Variants in MCC observed in about 807,000 individuals in gnomAD.
MCC encodes the protein colorectal mutant cancer protein.
Under a neutral mutation model 116.2 loss-of-function variants are expected in MCC, and 90 were observed. The observed-to-expected ratio is 0.77, with a 90% CI of 0.65 to 0.92. The LOEUF (loss-of-function observed/expected upper bound fraction) is 0.92, where lower values mean the gene tolerates loss of function less well. Ranked by LOEUF, MCC falls within the 40% of genes least tolerant of loss-of-function variation. The pLI is 0.00. For synonymous variants in MCC, 578 were observed against 510.5 expected (o/e 1.13, Z -1.78); for missense variants, 1,516 against 1,312.2 (o/e 1.16, Z -2.40).
chr5:113,348,746 T>C (rs1001924222), intron 2 of MCC, among the ~76,000 whole-genome samples: 11 of 151,414 alleles, frequency 7.3e-5, no homozygotes, highest in Non-Finnish European at 1.3e-4. Flanking sequence ...AACGAAACAA[T>C]ACAAAGGATC....
intron 3 of MCC, among the ~76,000 whole-genome samples, chr5:113,287,843 G>T (rs574815408): frequency 6.6e-6 from 1 of 152,198 alleles, no homozygotes; most frequent in East Asian, 1.9e-4. Flanking sequence ...CCAATTGGTA[G>T]CAACTACCTC....
intron 3 of MCC, among the ~76,000 whole-genome samples, chr5:113,335,973 T>C (rs1581408497): frequency 6.6e-6 from 1 of 151,874 alleles, no homozygotes; most frequent in East Asian, 1.9e-4. Context: ...AGAAATTTAT[T>C]GGCTTATAGT....
chr5:113,192,414 A>T (rs890580946), intron 3 of MCC, among the ~76,000 whole-genome samples: 1 of 152,206 alleles, frequency 6.6e-6, no homozygotes, highest in African/African-American at 2.4e-5. Context: ...ATGGGATTAC[A>T]TATTGTCTGT....
intron 1 of MCC, among the ~76,000 whole-genome samples, chr5:113,465,922 T>G (rs981790205): frequency 2.0e-5 from 3 of 151,864 alleles, no homozygotes; most frequent in Non-Finnish European, 4.4e-5. Flanking sequence ...GAAAAGCAAT[T>G]AGGAATACAT....
At chr5:113,441,474 G>T (rs897345037) in intron 1 of MCC, among the ~76,000 whole-genome samples, 1 of 152,008 alleles carries the variant, frequency 6.6e-6, no homozygotes. Flanking sequence ...GCCGCATGTG[G>T]TCTCTATCAC....
intron 5 of MCC, among the ~76,000 whole-genome samples, chr5:113,137,051 A>G (rs1264867771): frequency 3.3e-5 from 5 of 152,300 alleles, no homozygotes; most frequent in African/African-American, 1.2e-4. Flanking sequence ...ACACTGCTAT[A>G]AAGAACTTCC....
intron 3 of MCC, among the ~76,000 whole-genome samples, chr5:113,260,977 T>G (rs1765199791): frequency 6.6e-6 from 1 of 152,086 alleles, no homozygotes; most frequent in South Asian, 2.1e-4. Context: ...GTTTAAGTGT[T>G]CAAAAAAGGA....
chr5:113,332,369 A>G (rs1767719870), intron 3 of MCC, among the ~76,000 whole-genome samples: 1 of 151,374 alleles, frequency 6.6e-6, no homozygotes, highest in South Asian at 2.1e-4. Flanking sequence ...CCTAAGATTT[A>G]CTTAATTCTT....
At chr5:113,421,609 C>A (rs573749482) in intron 1 of MCC, among the ~76,000 whole-genome samples, 1 of 152,284 alleles carries the variant, frequency 6.6e-6, no homozygotes, top group Non-Finnish European at 1.5e-5. Context: ...TTACAAGACC[C>A]TTTCGCTCAT....
chr5:113,143,482 G>T, intron 4 of MCC, 122 bp from the exon 5 acceptor site: 20 of 1,021,912 alleles, frequency 2.0e-5, no homozygotes, highest in Non-Finnish European at 2.7e-5. Context: ...CAAATAAAAT[G>T]TATGTCAGCT....
intron 14 of MCC, among the ~76,000 whole-genome samples, chr5:113,057,576 C>T (rs80343490): frequency 0.011 from 1,681 of 152,338 alleles, 14 homozygotes; most frequent in Non-Finnish European, 0.018. Context: ...AATGAGGCAG[C>T]TCAAGGGAAC....
chr5:113,189,459 G>A (rs1762050387), intron 3 of MCC, among the ~76,000 whole-genome samples: 1 of 152,212 alleles, frequency 6.6e-6, no homozygotes, highest in South Asian at 2.1e-4. Context: ...TTAGGTGTAA[G>A]CCCATTTTAC....
chr5:113,257,428 G>C (rs769337449), intron 3 of MCC, among the ~76,000 whole-genome samples: 3 of 152,050 alleles, frequency 2.0e-5, no homozygotes, highest in Non-Finnish European at 4.4e-5. Context: ...GAGGACAGAA[G>C]GACTCCAGGC....
chr5:113,097,856 T>G (rs1418018743), intron 8 of MCC, among the ~76,000 whole-genome samples: 2 of 152,176 alleles, frequency 1.3e-5, no homozygotes, highest in Non-Finnish European at 2.9e-5. Flanking sequence ...AAATAGCATG[T>G]CTACTTGTCT....
At position 113,374,932 on chromosome 5, in the gene MCC, C is replaced by A. The variant is rs552936913; in HGVS notation, c.415+10036G>T. 3.5e-5 allele frequency among the ~76,000 whole-genome samples: 5 copies of A among 142,082 alleles called. No individual in the cohort carries two copies. The East Asian group carries it at 1.0e-3, about 29-fold the overall frequency. The allele number at this position is 142,082 out of a possible 152,430, so 93.2% of individuals were successfully genotyped here. ...GCTTGAGTCCAGGAGGTCAAGGCTG[C>A]AGTGAGCCGTGACTGTGCTACAGCA... On this transcript the variant is annotated intron_variant, in intron 2 of 18. Transcript: ENST00000408903.
chr5:113,270,307 T>A (rs1201986691), intron 3 of MCC, among the ~76,000 whole-genome samples: 1 of 152,116 alleles, frequency 6.6e-6, no homozygotes, highest in Non-Finnish European at 1.5e-5. Flanking sequence ...TGTCCAAACA[T>A]GGGCTATATT....
chr5:113,033,538 A>G (rs1404633856), intron 17 of MCC, among the ~76,000 whole-genome samples: 1 of 152,178 alleles, frequency 6.6e-6, no homozygotes, highest in Non-Finnish European at 1.5e-5. Context: ...AAGATTTTAT[A>G]TGGTTTGGGT....
At chr5:113,220,776 T>G (rs1045720022) in intron 3 of MCC, among the ~76,000 whole-genome samples, 1 of 152,240 alleles carries the variant, frequency 6.6e-6, no homozygotes, top group Non-Finnish European at 1.5e-5. Context: ...AATAAAGAAA[T>G]TTTTACATTT....
intron 3 of MCC, among the ~76,000 whole-genome samples, chr5:113,265,864 G>C (rs552460787): frequency 6.6e-6 from 1 of 152,128 alleles, no homozygotes; most frequent in Admixed American, 6.5e-5. Flanking sequence ...ACACGTCTAA[G>C]TGTAACAGTG....
Sources: gnomAD v4.1 joint callset for allele counts (sites outside exome capture counted in the v4.1 genomes callset) on GRCh38, gnomAD v4.1.1 for gene constraint, MANE v1.5 for transcripts, NCBI Gene and HGNC (gene_info 2026-07-23, HGNC 2026-07-21) for gene names.